The following TARS3 variants were observed in gnomAD, a reference collection of about 807,000 sequenced individuals.
The protein encoded by TARS3 is threonine--tRNA ligase 2, cytoplasmic.
TARS3 carries 94 observed loss-of-function variants against 103.5 expected under a neutral mutation model. The ratio of observed to expected loss-of-function variants is 0.91; its 90% CI spans 0.77 to 1.08. The LOEUF (loss-of-function observed/expected upper bound fraction) is 1.08, where lower values mean the gene tolerates loss of function less well. Ranked by LOEUF, TARS3 falls within the 50% of genes least tolerant of loss-of-function variation. TARS3 has a pLI of 0.00. For missense variants in TARS3, 952 were observed against 995.2 expected, an observed-to-expected ratio of 0.96 and a Z score of 0.58; for synonymous variants, 416 against 355.4, an observed-to-expected ratio of 1.17 and a Z score of -1.92.
At chr15:101,699,779 A>T (rs917783622) in intron 10 of TARS3, among the ~76,000 whole-genome samples, 2 of 152,218 alleles carry the variant, frequency 1.3e-5, no homozygotes, top group Non-Finnish European at 2.9e-5. Flanking sequence ...GGAGAACAAG[A>T]CTGGAGAAGC....
chr15:101,711,948 A>G lies in TARS3; in HGVS notation c.744T>C (p.Tyr248=), dbSNP rs1899889996. 5 of 1,614,018 alleles carry G rather than the reference A, an allele frequency of 3.1e-6. No homozygotes were observed. Among genetic ancestry groups the G allele is most frequent in the Non-Finnish European group, 4.2e-6 (5 of 1,179,852 alleles). Residue 248 remains tyrosine, a synonymous_variant, in exon 5 of 19, where the codon TAT becomes TAC. Coordinates refer to ENST00000335968, the MANE Select transcript of TARS3 (RefSeq NM_152334.3). ...HILGEAMELY[Y]GGHLCYGPPI... ...GCGGACCGTAGCACAGGTGGCCTCC[A>G]TAGTAAAGCTCCATGGCCTCCCCAA...
At chr15:101,669,219 A>G (rs1328143799) in intron 15 of TARS3, among the ~76,000 whole-genome samples, 1 of 152,248 alleles carries the variant, frequency 6.6e-6, no homozygotes, top group Non-Finnish European at 1.5e-5. Flanking sequence ...TTAACAAAAA[A>G]ACTTAAAAAG....
In TARS3 at chr15:101,721,463, T is replaced by TTTG. The variant is rs1035920379; in HGVS notation, c.370-144_370-142dup. On this transcript the variant is annotated intron_variant, in intron 2 of 18. Coordinates refer to ENST00000335968, the MANE Select transcript of TARS3 (RefSeq NM_152334.3). Reference sequence around the variant, plus strand: ...AGCTTACCATGGTTTGAATTACGATTTTGTTGTTGTTGTTGTTTTTTGGTT... The same window carrying TTTG: ...AGCTTACCATGGTTTGAATTACGATTTTGTTGTTGTTGTTGTTGTTTTTTGGTT... 15 of 612,150 alleles carry TTTG rather than the reference T, an allele frequency of 2.5e-5. No homozygotes were observed. The South Asian group carries it at 4.2e-4, about 17-fold the overall frequency. The allele number at this position is 612,150 out of a possible 1,614,324, so 37.9% of individuals were successfully genotyped here.
chr15:101,687,645 GTA>G (rs1163610835), intron 10 of TARS3, among the ~76,000 whole-genome samples: 1 of 152,138 alleles, frequency 6.6e-6, no homozygotes, highest in East Asian at 1.9e-4. Context: ...TGTTAGGAAT[GTA>G]TGTCTTCTTG....
At chr15:101,695,375 T>C (rs1898921615) in intron 10 of TARS3, among the ~76,000 whole-genome samples, 1 of 152,226 alleles carries the variant, frequency 6.6e-6, no homozygotes. Context: ...CTCTGACTTA[T>C]CTGGCTTAGT....
chr15:101,711,764 C>G (rs1173576008), intron 5 of TARS3, 116 bp downstream of exon 5: 1 of 1,277,356 alleles, frequency 7.8e-7, no homozygotes, highest in Non-Finnish European at 1.1e-6. Context: ...CGTCGGTGCC[C>G]CTAACCCCAC....
rs567744397 is a variant in TARS3 at position 101,724,418 on chromosome 15, G to C, written c.-31C>G. The stretch of plus-strand genomic sequence containing the variant: ...CCTCCCTCAGGCACCGACGCCGAGC[G>C]GGGTGCCCGCGACTGCGGCGAGGGC... On this transcript the variant is annotated 5_prime_UTR_variant, in exon 1 of 19. Transcript: ENST00000335968. 1 of 1,374,442 alleles carries C rather than the reference G, an allele frequency of 7.3e-7. No individual in the cohort carries two copies. The highest frequency in any genetic ancestry group is 9.3e-7 in the Non-Finnish European group (1 of 1,071,290). 85.1% of individuals were successfully genotyped at this position (1,374,442 alleles called of 1,614,324 possible).
chr15:101,654,513 C>T lies in TARS3; in HGVS notation c.*69G>A. The T allele has an allele frequency of 6.4e-7, 1 of 1,553,464 alleles. No individual in the cohort carries two copies. The highest frequency in any genetic ancestry group is 8.7e-7 in the Non-Finnish European group (1 of 1,144,606). ...GGCTCCAAAGTCGTAGAAGTACTAA[C>T]ATGTTAAGAAAAATACATTTTTAAG... On this transcript the variant is annotated 3_prime_UTR_variant, in exon 19 of 19. Coordinates refer to ENST00000335968, the MANE Select transcript of TARS3 (RefSeq NM_152334.3).
chr15:101,724,280 C>T lies in TARS3; in HGVS notation c.108G>A (p.Gln36=). ...WSEVERLRDE[Q]LNAPYSCQAE... The stretch of plus-strand genomic sequence containing the variant: ...CCTGGCAGCTGTAGGGCGCGTTCAG[C>T]TGCTCGTCCCTCAGGCGCTCGACCT... Residue 36 remains glutamine (Q), a synonymous_variant, in exon 1 of 19, where the codon CAG becomes CAA. Coordinates refer to ENST00000335968, the MANE Select transcript of TARS3 (RefSeq NM_152334.3). 3 of 1,573,274 alleles carry T rather than the reference C, an allele frequency of 1.9e-6. No homozygotes were observed. Among genetic ancestry groups the T allele is most frequent in the East Asian group, 2.4e-5 (1 of 42,094 alleles).
intron 10 of TARS3, among the ~76,000 whole-genome samples, chr15:101,686,659 T>A (rs141016766): frequency 3.3e-5 from 5 of 152,148 alleles, no homozygotes; most frequent in Non-Finnish European, 7.3e-5. Flanking sequence ...ACAAAACAAT[T>A]AGGTGATCTT....
chr15:101,706,902 G>C (rs1264045701), intron 6 of TARS3, among the ~76,000 whole-genome samples: 1 of 152,056 alleles, frequency 6.6e-6, no homozygotes, highest in African/African-American at 2.4e-5. Flanking sequence ...GCAACCCACA[G>C]AATTAAATAT....
Position 101,654,164 on chromosome 15 carries a change from A to G in TARS3, c.*418T>C. On this transcript the variant is annotated 3_prime_UTR_variant, in exon 19 of 19. Transcript: ENST00000335968. Reference sequence around the variant, plus strand: ...GTTTAGAAGATAAAGTTTCAGTGTGAATTTTAGTAGAAGTCATAAAAATAC... The same window carrying G: ...GTTTAGAAGATAAAGTTTCAGTGTGGATTTTAGTAGAAGTCATAAAAATAC... 6.4e-6 allele frequency: 1 copy of G among 156,574 alleles called. No homozygotes were observed. Among genetic ancestry groups the G allele is most frequent in the East Asian group, 1.9e-4 (1 of 5,284 alleles). The allele number at this position is 156,574 out of a possible 1,614,324, so 9.7% of individuals were successfully genotyped here.
intron 6 of TARS3, 29 bp downstream of exon 6, chr15:101,708,764 T>C (rs1283460624): frequency 2.2e-6 from 3 of 1,395,182 alleles, no homozygotes; most frequent in Admixed American, 1.7e-5. Flanking sequence ...ATATTCCTAG[T>C]AAGAGGTTTA....
chr15:101,660,942 T>A (rs2141380800), intron 16 of TARS3, among the ~76,000 whole-genome samples: 1 of 152,308 alleles, frequency 6.6e-6, no homozygotes, highest in East Asian at 1.9e-4. Context: ...CCATTCTGAG[T>A]GATCATCCAC....
intron 1 of TARS3, 107 bp from the exon 2 acceptor site, chr15:101,723,271 A>C: frequency 1.1e-6 from 1 of 943,222 alleles, no homozygotes; most frequent in Non-Finnish European, 1.7e-6. Flanking sequence ...TTAGAGGCTC[A>C]TAGCTGGGCT....
At chr15:101,700,010 A>G (rs1373159175) in intron 10 of TARS3, among the ~76,000 whole-genome samples, 1 of 152,208 alleles carries the variant, frequency 6.6e-6, no homozygotes, top group East Asian at 1.9e-4. Flanking sequence ...GTAGCAAGTT[A>G]ATTCTGGAGT....
At chr15:101,702,128 A>G in intron 9 of TARS3, 111 bp downstream of exon 9, 1 of 1,333,008 alleles carries the variant, frequency 7.5e-7, no homozygotes, top group Non-Finnish European at 1.0e-6. Context: ...CCAGCAAAAT[A>G]GGAGAGAAGA....
chr15:101,709,925 T>G (rs1324943903), intron 5 of TARS3, among the ~76,000 whole-genome samples: 4 of 152,188 alleles, frequency 2.6e-5, no homozygotes, highest in Non-Finnish European at 4.4e-5. Context: ...CGAGTGTCTT[T>G]TGTGTGCTGA....
intron 18 of TARS3, among the ~76,000 whole-genome samples, 160 bp downstream of exon 18, chr15:101,656,762 G>C (rs1361471957): frequency 6.6e-6 from 1 of 152,154 alleles, no homozygotes; most frequent in African/African-American, 2.4e-5. Context: ...GAGTACCTAG[G>C]AACAGCTAAG....
Sources: gnomAD v4.1 joint callset for allele counts (sites outside exome capture counted in the v4.1 genomes callset) on GRCh38, gnomAD v4.1.1 for gene constraint, MANE v1.5 for transcripts, NCBI Gene and HGNC (gene_info 2026-07-23, HGNC 2026-07-21) for gene names.